COPG2: variants seen among roughly 807,000 people sequenced by gnomAD.
COPG2 encodes the protein coat protein complex I subunit gamma 2.
Under a neutral mutation model 46.3 loss-of-function variants are expected in COPG2, and 37 were observed. The ratio of observed to expected loss-of-function variants is 0.80; its 90% CI spans 0.61 to 1.05. COPG2 has a LOEUF of 1.05. COPG2 is among the 50% of genes least tolerant of loss of function. The pLI is 0.00. For missense variants in COPG2, 427 were observed against 387.8 expected (o/e 1.10, Z -0.85); for synonymous variants, 159 against 129.7 (o/e 1.23, Z -1.53).
chr7:130,577,227 A>G (rs1319682532), intron 9 of COPG2, among the ~76,000 whole-genome samples: 4 of 152,222 alleles, frequency 2.6e-5, no homozygotes, highest in Non-Finnish European at 5.9e-5. Flanking sequence ...GACGCAGAAG[A>G]CCGGTGATTT....
At chr7:130,624,391 C>T (rs1279303532) in intron 5 of COPG2, among the ~76,000 whole-genome samples, 4 of 152,020 alleles carry the variant, frequency 2.6e-5, no homozygotes, top group African/African-American at 9.7e-5. Flanking sequence ...CCTCTATGTG[C>T]TGTTTCTATG....
chr7:130,528,607 T>C (rs1412234508), intron 20 of COPG2, among the ~76,000 whole-genome samples: 1 of 151,828 alleles, frequency 6.6e-6, no homozygotes, highest in Non-Finnish European at 1.5e-5. Context: ...TACCGTGCTA[T>C]GCAGTAGAGG....
At chr7:130,668,367 C>G (rs1278630521) in intron 1 of COPG2, among the ~76,000 whole-genome samples, 2 of 150,180 alleles carry the variant, frequency 1.3e-5, no homozygotes, top group Non-Finnish European at 3.0e-5. Flanking sequence ...CTCGGAGGGG[C>G]TGCGCCGCAA....
intron 20 of COPG2, among the ~76,000 whole-genome samples, chr7:130,523,487 G>C (rs962799734): frequency 2.0e-5 from 3 of 152,214 alleles, no homozygotes; most frequent in Non-Finnish European, 2.9e-5. Flanking sequence ...GGGCAGATAC[G>C]TGGAGTGCGA....
intron 20 of COPG2, among the ~76,000 whole-genome samples, chr7:130,513,375 A>ATATG (rs1335409605): frequency 1.7e-4 from 8 of 45,948 alleles, no homozygotes; most frequent in South Asian, 7.9e-4. Flanking sequence ...ATATATATAT[A>ATATG]TGTGTGTGTG....
intron 21 of COPG2, 81 bp downstream of exon 21, chr7:130,508,481 C>T (rs1584957305): frequency 1.5e-6 from 1 of 678,592 alleles, no homozygotes; most frequent in Admixed American, 2.4e-5. Context: ...TCAGATGCTC[C>T]TAGAAAAATG....
At chr7:130,553,476 G>C (rs2116390409) in intron 14 of COPG2, among the ~76,000 whole-genome samples, 1 of 152,180 alleles carries the variant, frequency 6.6e-6, no homozygotes, top group South Asian at 2.1e-4. Context: ...AAATATTAAG[G>C]AGACACAATT....
intron 5 of COPG2, among the ~76,000 whole-genome samples, chr7:130,639,903 T>A (rs1274708753): frequency 6.6e-6 from 1 of 152,160 alleles, no homozygotes; most frequent in Admixed American, 6.5e-5. Flanking sequence ...ACCTTCATGA[T>A]GAAGAGGTAA....
intron 5 of COPG2, among the ~76,000 whole-genome samples, chr7:130,636,274 C>T (rs1406210779): frequency 3.3e-5 from 5 of 152,076 alleles, no homozygotes; most frequent in Non-Finnish European, 7.4e-5. Flanking sequence ...TTTTCTGTTT[C>T]GTTGATCTGT....
At chr7:130,610,217 T>G in intron 9 of COPG2, 2 of 426,792 alleles carry the variant, frequency 4.7e-6, no homozygotes, top group Non-Finnish European at 9.0e-6. Context: ...TTTTTCATTT[T>G]TAGCAGCTAA....
rs1794842871 is a variant in COPG2 at position 130,611,193 on chromosome 7, G to A, written c.580-83C>T. 2.3e-6 allele frequency: 3 copies of A among 1,277,288 alleles called. No homozygotes were observed. In the Admixed American group the frequency reaches 7.4e-5, roughly 31 times the overall value. 79.1% of individuals were successfully genotyped at this position (1,277,288 alleles called of 1,614,324 possible). A position where few individuals can be genotyped will look rare whatever the true frequency, so the allele number is the denominator to read the frequency against. On this transcript the variant is annotated intron_variant, in intron 8 of 23. Coordinates refer to ENST00000425248, the MANE Select transcript of COPG2 (RefSeq NM_012133.6). ...ACAAAAATAGAATTACACGGAACTA[G>A]ATTAAAGATTTCTTTAAAATACCCA...
rs115516919 is a variant in COPG2, at chr7:130,627,055, C to T, written c.324-9990G>A. 1.7e-3 allele frequency among the ~76,000 whole-genome samples: 265 copies of T among 152,246 alleles called. 2 individuals carry two copies. The highest frequency in any genetic ancestry group is 6.1e-3 in the African/African-American group (254 of 41,542). On this transcript the variant is annotated intron_variant, in intron 5 of 23. Coordinates refer to ENST00000425248, the MANE Select transcript of COPG2 (RefSeq NM_012133.6). ...ATGCCCACCATGCCCACGTAATTTA[C>T]GTATTTTCCTTATTTGGTAGAGATG...
intron 9 of COPG2, chr7:130,605,768 C>G (rs372314789): frequency 5.8e-6 from 3 of 519,742 alleles, no homozygotes; most frequent in Admixed American, 3.9e-5. Context: ...AGCAACAGCA[C>G]TCCACCAACA....
chr7:130,603,709 A>C lies in COPG2; in HGVS notation c.737+7244T>G, dbSNP rs987595905. 5.9e-5 allele frequency: 23 copies of C among 391,274 alleles called. No homozygotes were observed. In the Admixed American group the frequency reaches 5.9e-4, roughly 10 times the overall value. 24.2% of individuals were successfully genotyped at this position (391,274 alleles called of 1,614,324 possible). The stretch of plus-strand genomic sequence containing the variant: ...ACACTCTGGCCTGGGCAACAGGAGC[A>C]AAACTCAGTCTCAAAAAAAAAAAAA... On this transcript the variant is annotated intron_variant, in intron 9 of 23. Transcript: ENST00000425248.
At chr7:130,616,904 G>A in intron 6 of COPG2, 86 bp downstream of exon 6, 4 of 805,066 alleles carry the variant, frequency 5.0e-6, no homozygotes, top group Non-Finnish European at 4.0e-6. Context: ...CACAAAGTCA[G>A]ACTAGGAAAT....
intron 9 of COPG2, among the ~76,000 whole-genome samples, chr7:130,566,962 T>C (rs1793814311): frequency 6.6e-6 from 1 of 152,100 alleles, no homozygotes; most frequent in African/African-American, 2.4e-5. Flanking sequence ...ACTGCACCAC[T>C]ACACACAATA....
chr7:130,609,232 C>T (rs564495030), intron 9 of COPG2, among the ~76,000 whole-genome samples: 39 of 152,184 alleles, frequency 2.6e-4, no homozygotes, highest in African/African-American at 8.9e-4. Flanking sequence ...TTGCCTGTGT[C>T]CCCACCCAAA....
At chr7:130,536,732 G>A (rs1563038699) in intron 20 of COPG2, among the ~76,000 whole-genome samples, 1 of 152,186 alleles carries the variant, frequency 6.6e-6, no homozygotes, top group Admixed American at 6.5e-5. Context: ...GGATGACAGC[G>A]AGCAAATGGA....
chr7:130,597,514 CT>C (rs1794552264), intron 9 of COPG2, among the ~76,000 whole-genome samples: 1 of 152,084 alleles, frequency 6.6e-6, no homozygotes, highest in African/African-American at 2.4e-5. Flanking sequence ...ATGCTGACAC[CT>C]TGTTGGCTTG....
Sources: allele counts gnomAD v4.1 joint callset (sites outside exome capture counted in the v4.1 genomes callset), GRCh38; gene constraint gnomAD v4.1.1; transcripts MANE v1.5; gene names NCBI Gene and HGNC (gene_info 2026-07-23, HGNC 2026-07-21).